PIGK: variants seen among roughly 807,000 people sequenced by gnomAD.
The protein encoded by PIGK is phosphatidylinositol glycan anchor biosynthesis class K.
Under a neutral mutation model 50.6 loss-of-function variants are expected in PIGK, and 42 were observed. The ratio of observed to expected loss-of-function variants is 0.83; its 90% CI spans 0.65 to 1.07. The LOEUF is 1.07. PIGK is among the 50% of genes least tolerant of loss of function. The pLI is 0.00. For synonymous variants in PIGK, 151 were observed against 156.0 expected, an observed-to-expected ratio of 0.97 and a Z score of 0.24; for missense variants, 448 against 488.7, an observed-to-expected ratio of 0.92 and a Z score of 0.78.
chr1:77,092,926 TTCATATA>T (rs1326264379), intron 10 of PIGK, among the ~76,000 whole-genome samples: 1 of 152,136 alleles, frequency 6.6e-6, no homozygotes, highest in Admixed American at 6.6e-5. Flanking sequence ...TCAGGAGGCA[TTCATATA>T]TCATAGTGAG....
intron 9 of PIGK, among the ~76,000 whole-genome samples, chr1:77,126,412 G>T (rs2100531262): frequency 6.6e-6 from 1 of 152,208 alleles, no homozygotes; most frequent in Admixed American, 6.5e-5. Flanking sequence ...AGGTTTCTCA[G>T]TTCAACAGCA....
chr1:77,104,197 T>G (rs1326150729), intron 10 of PIGK, among the ~76,000 whole-genome samples: 3 of 151,828 alleles, frequency 2.0e-5, no homozygotes, highest in Non-Finnish European at 2.9e-5. Context: ...AGCATCCAAT[T>G]TAAAAATCCA....
intron 10 of PIGK, among the ~76,000 whole-genome samples, chr1:77,119,832 A>G (rs1654054435): frequency 1.3e-5 from 2 of 152,066 alleles, no homozygotes; most frequent in Non-Finnish European, 2.9e-5. Flanking sequence ...GTAGTAGGGA[A>G]AAGAGGTGGT....
At position 77,167,088 on chromosome 1, in the gene PIGK, A is replaced by G. The variant is rs185509132; in HGVS notation, c.376-258T>C. 2.2e-3 allele frequency among the ~76,000 whole-genome samples: 340 copies of G among 152,326 alleles called. 1 individual carries two copies. The highest frequency in any genetic ancestry group is 7.9e-3 in the African/African-American group (327 of 41,566). On this transcript the variant is annotated intron_variant, in intron 4 of 10. Transcript: ENST00000370812. ...AGGCCATGGTGGCTCATGCCTATCA[A>G]CTCAGCACTTTGTGAGGCAAGGCAA...
intron 3 of PIGK, among the ~76,000 whole-genome samples, chr1:77,205,902 A>G (rs1407603861): frequency 6.6e-6 from 1 of 152,190 alleles, no homozygotes; most frequent in Non-Finnish European, 1.5e-5. Flanking sequence ...GAGTCTTCAT[A>G]TAAAGCAAAG....
chr1:77,146,454 T>C lies in PIGK; in HGVS notation c.986+7995A>G, dbSNP rs578153200. 7.9e-5 allele frequency among the ~76,000 whole-genome samples: 12 copies of C among 152,014 alleles called. No individual in the cohort carries two copies. In the South Asian group the frequency reaches 2.5e-3, roughly 32 times the overall value. ...AAGCAGGAGGATCGCCTGAGGCCAGTAGTTTTAGATCAGCCTGGATAACAT... is the reference window on the plus strand; with the variant it reads ...AAGCAGGAGGATCGCCTGAGGCCAGCAGTTTTAGATCAGCCTGGATAACAT... On this transcript the variant is annotated intron_variant, in intron 9 of 10. Coordinates refer to ENST00000370812, the MANE Select transcript of PIGK (RefSeq NM_005482.3).
In PIGK at chr1:77,105,764, G is replaced by C. The variant is rs181909823; in HGVS notation, c.1072-13274C>G. 4.4e-3 allele frequency among the ~76,000 whole-genome samples: 673 copies of C among 152,060 alleles called. 2 individuals carry two copies. The highest frequency in any genetic ancestry group is 0.011 in the Admixed American group (175 of 15,264). ...TCTTTCATTTACACATTATCTATTG[G>C]GGCTTTCACACTATACCAAAAATTG... On this transcript the variant is annotated intron_variant, in intron 10 of 10. Transcript: ENST00000370812.
chr1:77,130,297 C>CAAA (rs749423746), intron 9 of PIGK, among the ~76,000 whole-genome samples: 536 of 41,498 alleles, frequency 0.013, 138 homozygotes, highest in Non-Finnish European at 0.014. Flanking sequence ...TACTCCTAAG[C>CAAA]AAAAAAAAAA....
intron 5 of PIGK, among the ~76,000 whole-genome samples, chr1:77,166,200 A>G (rs990980797): frequency 6.6e-6 from 1 of 152,224 alleles, no homozygotes; most frequent in Non-Finnish European, 1.5e-5. Context: ...ATATTCCTCA[A>G]AGTATAATCA....
intron 3 of PIGK, among the ~76,000 whole-genome samples, chr1:77,199,217 C>T (rs1481888119): frequency 6.6e-6 from 1 of 152,014 alleles, no homozygotes; most frequent in East Asian, 1.9e-4. Flanking sequence ...TTTCAACTTC[C>T]TAACTATTCT....
intron 3 of PIGK, among the ~76,000 whole-genome samples, chr1:77,205,543 G>A (rs553748691): frequency 6.6e-6 from 1 of 151,716 alleles, no homozygotes; most frequent in South Asian, 2.1e-4. Context: ...ACTCTTATTT[G>A]TTTTTACTGG....
chr1:77,182,456 C>T (rs954494544), intron 3 of PIGK, among the ~76,000 whole-genome samples: 2 of 152,074 alleles, frequency 1.3e-5, no homozygotes, highest in African/African-American at 2.4e-5. Context: ...AAAGTTAAAC[C>T]AAAGGGTTAA....
chr1:77,164,085 T>G, intron 5 of PIGK, 143 bp from the exon 6 acceptor site: 1 of 518,002 alleles, frequency 1.9e-6, no homozygotes, highest in Non-Finnish European at 3.4e-6. Flanking sequence ...ACAAACAAAT[T>G]GAATTTTCTA....
At chr1:77,114,690 T>C (rs1259180083) in intron 10 of PIGK, among the ~76,000 whole-genome samples, 1 of 152,124 alleles carries the variant, frequency 6.6e-6, no homozygotes, top group African/African-American at 2.4e-5. Context: ...AGTGACATTT[T>C]TGGAAGTGGC....
At chr1:77,131,726 A>C (rs1654375296) in intron 9 of PIGK, among the ~76,000 whole-genome samples, 1 of 152,098 alleles carries the variant, frequency 6.6e-6, no homozygotes. Context: ...CTAATCCTGA[A>C]TCATTCCTGT....
chr1:77,107,299 C>T (rs1044202487), intron 10 of PIGK, among the ~76,000 whole-genome samples: 5 of 152,096 alleles, frequency 3.3e-5, no homozygotes, highest in Non-Finnish European at 5.9e-5. Context: ...ACTTTGTTCT[C>T]GTTGGTTTCG....
intron 9 of PIGK, among the ~76,000 whole-genome samples, chr1:77,144,111 T>C (rs1485572412): frequency 6.6e-6 from 1 of 152,032 alleles, no homozygotes; most frequent in East Asian, 1.9e-4. Flanking sequence ...TTTAGGAGCT[T>C]ATTGATTCCA....
chr1:77,142,457 G>C (rs1291105305), intron 9 of PIGK, among the ~76,000 whole-genome samples: 1 of 152,112 alleles, frequency 6.6e-6, no homozygotes, highest in Non-Finnish European at 1.5e-5. Flanking sequence ...CCCTATGACA[G>C]ATAAAGTATC....
At chr1:77,182,620 AG>A (rs1387598471) in intron 3 of PIGK, among the ~76,000 whole-genome samples, 1 of 152,118 alleles carries the variant, frequency 6.6e-6, no homozygotes, top group Non-Finnish European at 1.5e-5. Context: ...AACCTTGACT[AG>A]TATAGATTTT....
Sources: allele counts gnomAD v4.1 joint callset (sites outside exome capture counted in the v4.1 genomes callset), GRCh38; gene constraint gnomAD v4.1.1; transcripts MANE v1.5; gene names NCBI Gene and HGNC (gene_info 2026-07-23, HGNC 2026-07-21).